Variants in IMMP2L observed in about 807,000 individuals in gnomAD.
IMMP2L encodes the protein inner mitochondrial membrane peptidase subunit 2, also known as mitochondrial inner membrane protease subunit 2.
Under a neutral mutation model 19.3 loss-of-function variants are expected in IMMP2L, and 18 were observed. The ratio of observed to expected loss-of-function variants is 0.93; its 90% confidence interval spans 0.64 to 1.38. The LOEUF (loss-of-function observed/expected upper bound fraction) is 1.38. Ranked by LOEUF, IMMP2L falls within the 40% of genes most tolerant of loss-of-function variation. IMMP2L has a pLI of 0.00. For missense variants in IMMP2L, 233 were observed against 218.2 expected, an observed-to-expected ratio of 1.07 and a Z score of -0.43; for synonymous variants, 76 against 73.0, an observed-to-expected ratio of 1.04 and a Z score of -0.21.
At chr7:111,110,441 G>C (rs748606206) in intron 3 of IMMP2L, among the ~76,000 whole-genome samples, 139 of 152,034 alleles carry the variant, frequency 9.1e-4, no homozygotes, top group Non-Finnish European at 1.2e-3. Flanking sequence ...AACAATACCA[G>C]GAATGATCAC....
intron 2 of IMMP2L, among the ~76,000 whole-genome samples, chr7:111,498,179 T>C (rs1843775853): frequency 6.6e-6 from 1 of 152,118 alleles, no homozygotes; most frequent in Admixed American, 6.5e-5. Flanking sequence ...GGTTCAAATC[T>C]GCAAAGTTTC....
Position 111,006,629 on chromosome 7 carries a change from C to T in IMMP2L, c.240-43064G>A, listed in dbSNP as rs553907763. Among the ~76,000 whole-genome samples the T allele has an allele frequency of 3.9e-5, 6 of 152,242 alleles. No individual in the cohort carries two copies. In the South Asian group the frequency reaches 1.2e-3, roughly 32 times the overall value. On this transcript the variant is annotated intron_variant, in intron 3 of 5. Transcript: ENST00000405709. Reference sequence around the variant, plus strand: ...ATCTAATGTCCCAAATTCCATAGTCCTTGCTAACATCAAGCTGCTGTTGCC... The same window carrying T: ...ATCTAATGTCCCAAATTCCATAGTCTTTGCTAACATCAAGCTGCTGTTGCC...
At chr7:111,113,000 T>C (rs1291696716) in intron 3 of IMMP2L, among the ~76,000 whole-genome samples, 6 of 152,200 alleles carry the variant, frequency 3.9e-5, no homozygotes, top group Admixed American at 3.9e-4. Context: ...AAAACACTGA[T>C]ATTAGTGTTG....
At chr7:111,474,089 C>T (rs2132132328) in intron 3 of IMMP2L, among the ~76,000 whole-genome samples, 1 of 152,184 alleles carries the variant, frequency 6.6e-6, no homozygotes, top group Non-Finnish European at 1.5e-5. Flanking sequence ...CCAAATATTG[C>T]AAGTACTCAC....
At chr7:111,501,052 G>A (rs1844186763) in intron 2 of IMMP2L, among the ~76,000 whole-genome samples, 1 of 152,002 alleles carries the variant, frequency 6.6e-6, no homozygotes, top group African/African-American at 2.4e-5. Context: ...TCAAACCAAT[G>A]GCAAAGAAGT....
At chr7:111,361,459 CAG>C (rs768485855) in intron 3 of IMMP2L, among the ~76,000 whole-genome samples, 1 of 152,112 alleles carries the variant, frequency 6.6e-6, no homozygotes, top group Non-Finnish European at 1.5e-5. Flanking sequence ...ACTCACTATT[CAG>C]AGTTATACTT....
At position 110,963,543 on chromosome 7, in the gene IMMP2L, T is replaced by A; in HGVS notation, c.262A>T (p.Lys88Ter). ...SLVSPKNPEQ[K>*]IIKRVIALEG... ...AGAGCAATCACTCTCTTAATGATCT[T>A]CTGTTCTGGGTTTTTAGGAGACCTA... Residue 88 changes from lysine (K) to a stop codon, truncating the protein, a stop_gained, in exon 4 of 6, where the codon AAG becomes TAG. Transcript: ENST00000405709. LOFTEE classifies it high-confidence loss of function. 2 of 1,602,122 alleles carry A rather than the reference T, an allele frequency of 1.2e-6. No homozygotes were observed. Among genetic ancestry groups the A allele is most frequent in the Non-Finnish European group, 1.7e-6 (2 of 1,170,890 alleles).
intron 3 of IMMP2L, among the ~76,000 whole-genome samples, chr7:111,237,330 A>G (rs991737784): frequency 4.6e-5 from 7 of 152,118 alleles, no homozygotes; most frequent in African/African-American, 1.7e-4. Flanking sequence ...AATAATTCAT[A>G]AAATTGTGTA....
In IMMP2L at chr7:111,526,859, C is replaced by T. The variant is rs540846266; in HGVS notation, c.-2-5410G>A. Among the ~76,000 whole-genome samples, 4 of 152,212 alleles carry T rather than the reference C, an allele frequency of 2.6e-5. No individual in the cohort carries two copies. In the East Asian group the frequency reaches 7.7e-4, roughly 29 times the overall value. ...GCTGAGGATACCTGCAGGACAGAAA[C>T]GGAATGCTTCCAAATATGATGCCAC... On this transcript the variant is annotated intron_variant, in intron 1 of 5. Transcript: ENST00000405709.
chr7:110,874,473 A>T (rs1326124177), intron 5 of IMMP2L, among the ~76,000 whole-genome samples: 2 of 152,096 alleles, frequency 1.3e-5, no homozygotes, highest in Non-Finnish European at 2.9e-5. Context: ...AGGGGTAATC[A>T]TAGGGTGGAG....
chr7:111,401,867 G>C (rs575715715), intron 3 of IMMP2L, among the ~76,000 whole-genome samples: 1 of 152,122 alleles, frequency 6.6e-6, no homozygotes, highest in East Asian at 1.9e-4. Context: ...TCCAAACACA[G>C]TGGTAAATGC....
intron 5 of IMMP2L, among the ~76,000 whole-genome samples, chr7:110,859,012 A>G (rs1213198789): frequency 6.6e-6 from 1 of 152,124 alleles, no homozygotes; most frequent in East Asian, 1.9e-4. Flanking sequence ...TTACTGGATC[A>G]ATCATTTTGG....
At chr7:111,352,999 C>T (rs991349995) in intron 3 of IMMP2L, among the ~76,000 whole-genome samples, 2 of 152,182 alleles carry the variant, frequency 1.3e-5, no homozygotes, top group African/African-American at 4.8e-5. Flanking sequence ...TAACTATCTT[C>T]TACCTGCTTT....
chr7:110,979,614 C>A (rs139934659), intron 3 of IMMP2L, among the ~76,000 whole-genome samples: 1 of 151,614 alleles, frequency 6.6e-6, no homozygotes, highest in African/African-American at 2.4e-5. Context: ...CCAACCTGCA[C>A]GTTGTGCACA....
chr7:111,268,296 CAA>C (rs1818037065), intron 3 of IMMP2L, among the ~76,000 whole-genome samples: 1 of 151,718 alleles, frequency 6.6e-6, no homozygotes, highest in Non-Finnish European at 1.5e-5. Flanking sequence ...GGAAGGAACT[CAA>C]GAGTATTAGA....
chr7:110,984,408 A>G (rs929017256), intron 3 of IMMP2L, among the ~76,000 whole-genome samples: 1 of 152,048 alleles, frequency 6.6e-6, no homozygotes, highest in African/African-American at 2.4e-5. Flanking sequence ...AAATACATGA[A>G]TATTTTAAAT....
intron 3 of IMMP2L, among the ~76,000 whole-genome samples, chr7:111,154,453 A>G (rs1462716488): frequency 6.6e-6 from 1 of 152,194 alleles, no homozygotes; most frequent in East Asian, 1.9e-4. Context: ...TAAGAAAAAT[A>G]GCACCAAGAA....
chr7:111,462,362 A>C (rs968977700), intron 3 of IMMP2L, among the ~76,000 whole-genome samples: 1 of 152,126 alleles, frequency 6.6e-6, no homozygotes, highest in Non-Finnish European at 1.5e-5. Flanking sequence ...TGGTTTTCCA[A>C]AACTGCCTCA....
At chr7:111,220,951 G>T (rs940184452) in intron 3 of IMMP2L, among the ~76,000 whole-genome samples, 1 of 152,006 alleles carries the variant, frequency 6.6e-6, no homozygotes, top group African/African-American at 2.4e-5. Context: ...ATTGGATGAT[G>T]TCCACCCACA....
Sources: gnomAD v4.1 joint callset for allele counts (sites outside exome capture counted in the v4.1 genomes callset) on GRCh38, gnomAD v4.1.1 for gene constraint, MANE v1.5 for transcripts, NCBI Gene and HGNC (gene_info 2026-07-23, HGNC 2026-07-21) for gene names.